DNAAF4: variants seen among roughly 807,000 people sequenced by gnomAD.
The protein encoded by DNAAF4 is dynein axonemal assembly factor 4.
Under a neutral mutation model 51.8 loss-of-function variants are expected in DNAAF4, and 43 were observed. That is an observed-to-expected ratio of 0.83 (90% CI 0.65 to 1.07). The LOEUF (loss-of-function observed/expected upper bound fraction) is 1.07, where lower values mean the gene tolerates loss of function less well. DNAAF4 is among the 50% of genes least tolerant of loss of function. The pLI is 0.00. For missense variants in DNAAF4, 581 were observed against 493.0 expected, an observed-to-expected ratio of 1.18 and a Z score of -1.69; for synonymous variants, 194 against 165.6, an observed-to-expected ratio of 1.17 and a Z score of -1.32.
chr15:55,498,406 C>A lies in DNAAF4; in HGVS notation c.-77G>T. On this transcript the variant is annotated 5_prime_UTR_variant, in exon 2 of 10. An upstream start codon of the reference 5' UTR is lost. Transcript: ENST00000321149. ...TGGTTGCTAGGGAAGCTGGGGTTAC[C>A]ATGCGCCAGCCCTTCCGGGTCAGGC... The A allele has an allele frequency of 6.5e-7, 1 of 1,546,722 alleles. No homozygotes were observed. The highest frequency in any genetic ancestry group is 8.7e-7 in the Non-Finnish European group (1 of 1,146,542).
At chr15:55,467,335 G>T (rs1177924055) in intron 4 of DNAAF4, among the ~76,000 whole-genome samples, 174 bp from the exon 5 acceptor site, 1 of 152,082 alleles carries the variant, frequency 6.6e-6, no homozygotes, top group Non-Finnish European at 1.5e-5. Flanking sequence ...TGATTCAGGA[G>T]AAAAACCATT....
At chr15:55,500,052 T>TC (rs1253749859) in intron 1 of DNAAF4, among the ~76,000 whole-genome samples, 11 of 151,928 alleles carry the variant, frequency 7.2e-5, no homozygotes, top group African/African-American at 2.2e-4. Flanking sequence ...TTTTTTAACT[T>TC]TAAAAAAAAA....
intron 8 of DNAAF4, among the ~76,000 whole-genome samples, chr15:55,433,344 C>G (rs2057526599): frequency 6.6e-6 from 1 of 152,220 alleles, no homozygotes; most frequent in Admixed American, 6.5e-5. Context: ...GGTGTGGTGG[C>G]TCATGCCTGT....
At chr15:55,484,893 A>G (rs894176026) in intron 4 of DNAAF4, among the ~76,000 whole-genome samples, 2 of 152,202 alleles carry the variant, frequency 1.3e-5, no homozygotes, top group Non-Finnish European at 2.9e-5. Context: ...CTGGCAGCCA[A>G]TTCAATGGTG....
chr15:55,434,471 G>C (rs1567001120), intron 8 of DNAAF4, among the ~76,000 whole-genome samples: 1 of 152,116 alleles, frequency 6.6e-6, no homozygotes. Context: ...GACATACACA[G>C]TAAATATTAG....
intron 6 of DNAAF4, chr15:55,442,846 A>G: frequency 1.2e-6 from 2 of 1,612,848 alleles, no homozygotes; most frequent in South Asian, 1.1e-5. Context: ...TCCCCCAGCC[A>G]TCATTGCACA....
Position 55,418,285 on chromosome 15 carries a change from T to C in DNAAF4, c.1048-152A>G, listed in dbSNP as rs1198751964. On this transcript the variant is annotated intron_variant, in intron 7 of 7. Transcript: ENST00000448430. The stretch of plus-strand genomic sequence containing the variant: ...AAATGAAATCTGAACAACTGCCTCC[T>C]TGTGTGAACCCTGGCAATCCTGTGT... The C allele has an allele frequency of 2.6e-6, 4 of 1,551,344 alleles. No homozygotes were observed. In the African/African-American group the frequency reaches 5.5e-5, roughly 21 times the overall value.
At chr15:55,484,356 G>A (rs2141565472) in intron 4 of DNAAF4, among the ~76,000 whole-genome samples, 1 of 152,024 alleles carries the variant, frequency 6.6e-6, no homozygotes, top group Admixed American at 6.6e-5. Context: ...GTGGTGGTGA[G>A]CACCTGTAGT....
intron 7 of DNAAF4, among the ~76,000 whole-genome samples, chr15:55,435,519 A>G (rs945734844): frequency 1.3e-5 from 2 of 152,176 alleles, no homozygotes; most frequent in African/African-American, 4.8e-5. Flanking sequence ...AGCTGATACT[A>G]TGGAAATATG....
chr15:55,445,584 G>T (rs1336433113), intron 6 of DNAAF4, among the ~76,000 whole-genome samples: 2 of 152,000 alleles, frequency 1.3e-5, no homozygotes, highest in African/African-American at 4.8e-5. Flanking sequence ...CCTCCCAGAT[G>T]GGGCGGCCAG....
chr15:55,439,657 T>C, intron 6 of DNAAF4, 76 bp from the exon 7 acceptor site: 1 of 1,287,780 alleles, frequency 7.8e-7, no homozygotes. Context: ...ATTTTCCATC[T>C]TCCTCCAGTG....
intron 4 of DNAAF4, among the ~76,000 whole-genome samples, chr15:55,485,800 C>T (rs2058479034): frequency 6.6e-6 from 1 of 151,972 alleles, no homozygotes; most frequent in Admixed American, 6.6e-5. Flanking sequence ...CGAGACCATC[C>T]TGGCTAACAC....
rs557865866 is a variant in DNAAF4 at position 55,504,534 on chromosome 15, A to G, written c.-256+3588T>C. 5.3e-5 allele frequency among the ~76,000 whole-genome samples: 8 copies of G among 152,354 alleles called. No homozygotes were observed. The East Asian group carries it at 1.5e-3, about 29-fold the overall frequency. ...TGACTTCAAACTATACTACAAGGCT[A>G]CAGTAACCAAAACAGCATGGCACTG... On this transcript the variant is annotated intron_variant, in intron 1 of 9. Transcript: ENST00000321149.
chr15:55,498,268 A>T lies in DNAAF4; in HGVS notation c.62T>A (p.Leu21Gln). ...TCTGACGCACACGCCTTTGAGGGGCAGAGACAGAAAGACCGCAGTCTTCGT... is the reference window on the plus strand; with the variant it reads ...TCTGACGCACACGCCTTTGAGGGGCTGAGACAGAAAGACCGCAGTCTTCGT... ...QQTKTAVFLS[L>Q]PLKGVCVRDT... Residue 21 changes from leucine (L) to glutamine (Q), a missense_variant, in exon 2 of 10, where the codon CTG (leucine) becomes CAG (glutamine). Transcript: ENST00000321149. 1 of 1,613,846 alleles carries T rather than the reference A, an allele frequency of 6.2e-7. No homozygotes were observed. Among genetic ancestry groups the T allele is most frequent in the South Asian group, 1.1e-5 (1 of 90,998 alleles).
In DNAAF4 at chr15:55,448,519, G is replaced by GGTGTGTGTGTGT. The variant is rs111911388; in HGVS notation, c.783+1691_783+1702dup. On this transcript the variant is annotated intron_variant, in intron 6 of 9. Transcript: ENST00000321149. ...CCAACTCAAAAAAAAAAAAAAAAAG[G>GGTGTGTGTGTGT]GTGTGTGTGTGTGTGTGTGTGTGTG... 2.7e-4 allele frequency among the ~76,000 whole-genome samples: 27 copies of GGTGTGTGTGTGT among 99,904 alleles called. No individual in the cohort carries two copies. In the East Asian group the frequency reaches 3.2e-3, roughly 12 times the overall value. The allele number at this position is 99,904 out of a possible 152,430, so 65.5% of individuals were successfully genotyped here. A position where few individuals can be genotyped will look rare whatever the true frequency, so the allele number is the denominator to read the frequency against.
intron 5 of DNAAF4, among the ~76,000 whole-genome samples, chr15:55,462,315 C>T (rs998830866): frequency 6.6e-6 from 1 of 152,014 alleles, no homozygotes; most frequent in Non-Finnish European, 1.5e-5. Flanking sequence ...GCCTCAGCTT[C>T]CCGAGTAGAT....
chr15:55,471,902 C>T (rs1383249810), intron 4 of DNAAF4, among the ~76,000 whole-genome samples: 3 of 152,114 alleles, frequency 2.0e-5, no homozygotes, highest in African/African-American at 7.2e-5. Context: ...TGCAGTAGCA[C>T]GATCTTCGCT....
intron 6 of DNAAF4, among the ~76,000 whole-genome samples, chr15:55,442,439 G>A (rs188126876): frequency 2.0e-5 from 3 of 152,162 alleles, no homozygotes; most frequent in African/African-American, 4.8e-5. Context: ...CGAAATGCTC[G>A]CAGGAAGTGT....
At chr15:55,465,768 A>G (rs1165763608) in intron 5 of DNAAF4, among the ~76,000 whole-genome samples, 1 of 151,884 alleles carries the variant, frequency 6.6e-6, no homozygotes, top group African/African-American at 2.4e-5. Flanking sequence ...GTTTCTCCAT[A>G]TTGGTCAGAC....
Sources: allele counts gnomAD v4.1 joint callset (sites outside exome capture counted in the v4.1 genomes callset), GRCh38; gene constraint gnomAD v4.1.1; transcripts MANE v1.5; gene names NCBI Gene and HGNC (gene_info 2026-07-23, HGNC 2026-07-21).